Variants in KLHL14 observed in about 807,000 individuals in gnomAD.
KLHL14 encodes the protein kelch like family member 14.
In KLHL14, 22 loss-of-function variants were observed where a neutral mutation model predicts 64.3. That is an observed-to-expected ratio of 0.34 (90% CI 0.24 to 0.49). KLHL14 has a LOEUF of 0.49. Ranked by LOEUF, KLHL14 falls within the 20% of genes least tolerant of loss-of-function variation. The probability of loss-of-function intolerance (pLI) is 0.99; values close to 1 mark genes in which losing one functional copy is unlikely to be tolerated. For synonymous variants in KLHL14, 322 were observed against 333.4 expected, an observed-to-expected ratio of 0.97 and a Z score of 0.37; for missense variants, 661 against 789.0, an observed-to-expected ratio of 0.84 and a Z score of 1.94.
chr18:32,727,957 GT>G (rs34341807), intron 3 of KLHL14, among the ~76,000 whole-genome samples: 44,822 of 151,976 alleles, frequency 0.29, 6,865 homozygotes, highest in African/African-American at 0.37. Context: ...AAGTGAGGAA[GT>G]TATACACAGA....
chr18:32,712,581 G>GA (rs1235096118), intron 3 of KLHL14, among the ~76,000 whole-genome samples: 1 of 152,110 alleles, frequency 6.6e-6, no homozygotes, highest in Non-Finnish European at 1.5e-5. Context: ...TATCAGCAGG[G>GA]AAACATGCTG....
At position 32,673,477 on chromosome 18, in the gene KLHL14, T is replaced by G. The variant is rs1050337989; in HGVS notation, c.*1180A>C. 1 of 152,212 alleles carries G rather than the reference T, an allele frequency of 6.6e-6. No individual in the cohort carries two copies. Among genetic ancestry groups the G allele is most frequent in the Non-Finnish European group, 1.5e-5 (1 of 68,034 alleles). The allele number at this position is 152,212 out of a possible 1,614,324, so 9.4% of individuals were successfully genotyped here. On this transcript the variant is annotated 3_prime_UTR_variant, in exon 9 of 9. Transcript: ENST00000359358. ...CTATCCTGACCTTCTGCTCCTGAAT[T>G]CCTCATGCTCCTCAAGACAACTAGC...
At chr18:32,697,867 A>G (rs1340219032) in intron 3 of KLHL14, among the ~76,000 whole-genome samples, 1 of 152,162 alleles carries the variant, frequency 6.6e-6, no homozygotes, top group African/African-American at 2.4e-5. Context: ...ACTTGAAGGA[A>G]TTCTCATCTA....
At chr18:32,764,506 T>C (rs1443039731) in intron 2 of KLHL14, among the ~76,000 whole-genome samples, 1 of 84,842 alleles carries the variant, frequency 1.2e-5, no homozygotes, top group East Asian at 2.3e-4. Flanking sequence ...TTCACTGATA[T>C]ATCCCAAGTG....
intron 3 of KLHL14, among the ~76,000 whole-genome samples, chr18:32,736,216 G>C (rs550352535): frequency 6.6e-6 from 1 of 152,176 alleles, no homozygotes; most frequent in East Asian, 1.9e-4. Flanking sequence ...ACAGTATTTG[G>C]AGTGACCACC....
intron 2 of KLHL14, among the ~76,000 whole-genome samples, chr18:32,758,732 A>G (rs769488584): frequency 5.9e-5 from 9 of 152,260 alleles, no homozygotes; most frequent in South Asian, 2.1e-4. Context: ...GTTTATCTGT[A>G]CAATGGAATA....
chr18:32,740,148 C>A (rs1043861801), intron 3 of KLHL14, among the ~76,000 whole-genome samples: 2 of 152,116 alleles, frequency 1.3e-5, no homozygotes, highest in African/African-American at 4.8e-5. Flanking sequence ...CCAAGCAGAG[C>A]GTTAATTCAG....
intron 3 of KLHL14, among the ~76,000 whole-genome samples, chr18:32,697,162 C>T (rs1026081898): frequency 3.9e-5 from 6 of 152,110 alleles, no homozygotes; most frequent in Admixed American, 3.9e-4. Context: ...CTTTTACCTG[C>T]GTAGATGCTA....
At chr18:32,679,095 G>C (rs899986572) in intron 7 of KLHL14, among the ~76,000 whole-genome samples, 1 of 152,100 alleles carries the variant, frequency 6.6e-6, no homozygotes, top group African/African-American at 2.4e-5. Flanking sequence ...AAGAAAATCC[G>C]TTCTCATTGG....
At chr18:32,728,653 CTTG>C (rs1230050790) in intron 3 of KLHL14, among the ~76,000 whole-genome samples, 3 of 152,106 alleles carry the variant, frequency 2.0e-5, no homozygotes, top group African/African-American at 4.8e-5. Flanking sequence ...ATGCTTTTGT[CTTG>C]TTGTAATGGT....
intron 8 of KLHL14, among the ~76,000 whole-genome samples, chr18:32,676,585 A>G (rs2049812486): frequency 6.6e-6 from 1 of 152,160 alleles, no homozygotes. Flanking sequence ...GTGAAATGAT[A>G]TGACATCTGG....
intron 3 of KLHL14, among the ~76,000 whole-genome samples, chr18:32,735,508 C>T (rs1420859419): frequency 6.6e-6 from 1 of 152,154 alleles, no homozygotes; most frequent in African/African-American, 2.4e-5. Context: ...CTTCTTTTTG[C>T]AGCATCTTTG....
intron 3 of KLHL14, chr18:32,740,768 T>C (rs2050192041): frequency 6.6e-6 from 1 of 152,222 alleles, no homozygotes; most frequent in South Asian, 2.1e-4. Flanking sequence ...ACTATTCTAC[T>C]ACTTCTTTAC....
rs781500764 is a variant in KLHL14, at chr18:32,695,560, T to TAA, written c.1070-10_1070-9dup. The stretch of plus-strand genomic sequence containing the variant: ...CACTGTTGTATGGCATAACTGAAAT[T>TAA]AAGAAAAAAAAAAAAGACATATGAA... On this transcript the variant is annotated splice_polypyrimidine_tract_variant and intron_variant, in intron 3 of 8. Transcript: ENST00000359358. The TAA allele has an allele frequency of 6.5e-7, 1 of 1,539,094 alleles. No homozygotes were observed. The highest frequency in any genetic ancestry group is 8.8e-7 in the Non-Finnish European group (1 of 1,131,854).
intron 4 of KLHL14, among the ~76,000 whole-genome samples, chr18:32,690,292 C>T (rs2049901060): frequency 6.6e-6 from 1 of 152,086 alleles, no homozygotes; most frequent in South Asian, 2.1e-4. Context: ...CTTTAAAGTG[C>T]TTGGGGTTTT....
At chr18:32,733,937 A>C (rs1598568887) in intron 3 of KLHL14, 1 of 543,622 alleles carries the variant, frequency 1.8e-6, no homozygotes, top group East Asian at 3.0e-5. Flanking sequence ...TGTGTGAGGG[A>C]CCAGATAATT....
chr18:32,743,658 A>T, intron 2 of KLHL14: 1 of 152,236 alleles, frequency 6.6e-6, no homozygotes, highest in Admixed American at 6.5e-5. Flanking sequence ...ACCTTCAAAC[A>T]GTACCCATAT....
chr18:32,744,712 C>T (rs186315110), intron 2 of KLHL14: 15 of 152,240 alleles, frequency 9.9e-5, no homozygotes, highest in Admixed American at 9.2e-4. Context: ...TTTGTAAGGT[C>T]ATTTCATTCA....
chr18:32,696,299 C>G (rs1167421239), intron 3 of KLHL14, among the ~76,000 whole-genome samples: 1 of 152,136 alleles, frequency 6.6e-6, no homozygotes, highest in Non-Finnish European at 1.5e-5. Context: ...ATTCAGAAAC[C>G]CACTAATGCC....
Sources: gnomAD v4.1 joint callset for allele counts (sites outside exome capture counted in the v4.1 genomes callset) on GRCh38, gnomAD v4.1.1 for gene constraint, MANE v1.5 for transcripts, NCBI Gene and HGNC (gene_info 2026-07-23, HGNC 2026-07-21) for gene names.